Variants in TRIM4 observed in about 807,000 individuals in gnomAD.
The protein encoded by TRIM4 is E3 ubiquitin-protein ligase TRIM4.
Under a neutral mutation model 33.7 loss-of-function variants are expected in TRIM4, and 29 were observed. That is an observed-to-expected ratio of 0.86 (90% CI 0.64 to 1.17). The LOEUF (loss-of-function observed/expected upper bound fraction) is 1.17. TRIM4 is among the 50% of genes most tolerant of loss of function. TRIM4 has a pLI of 0.00. For missense variants in TRIM4, 554 were observed against 593.7 expected, an observed-to-expected ratio of 0.93 and a Z score of 0.69; for synonymous variants, 224 against 233.0, an observed-to-expected ratio of 0.96 and a Z score of 0.35.
At chr7:99,912,445 C>T (rs1310184772) in intron 1 of TRIM4, among the ~76,000 whole-genome samples, 2 of 151,472 alleles carry the variant, frequency 1.3e-5, no homozygotes, top group Non-Finnish European at 2.9e-5. Flanking sequence ...GCATGAGAAT[C>T]GCTTGAACCC....
In TRIM4 at chr7:99,913,288, T is replaced by C. The variant is rs1356253549; in HGVS notation, c.394-3628A>G. 5.3e-5 allele frequency among the ~76,000 whole-genome samples: 8 copies of C among 152,134 alleles called. 1 individual carries two copies. Among genetic ancestry groups the C allele is most frequent in the Non-Finnish European group, 8.8e-5 (6 of 68,034 alleles). On this transcript the variant is annotated intron_variant, in intron 1 of 5. Transcript: ENST00000349062. ...CCTTGGTGGAAGTTAGAAAACACTT[T>C]CCCTGCAACAACAGAAACTGCCAGG... is the stretch of plus-strand genomic sequence containing the variant.
At chr7:99,908,534 G>T in intron 3 of TRIM4, 48 bp downstream of exon 3, 2 of 1,435,496 alleles carry the variant, frequency 1.4e-6, no homozygotes, top group Non-Finnish European at 1.9e-6. Flanking sequence ...AGACAAGAGA[G>T]AGTTCAGTTA....
rs1242365077 is a variant in TRIM4 at position 99,919,324 on chromosome 7, C to T, written c.78G>A (p.Glu26=). The T allele has an allele frequency of 6.4e-7, 1 of 1,570,840 alleles. No individual in the cohort carries two copies. Among genetic ancestry groups the T allele is most frequent in the Admixed American group, 1.8e-5 (1 of 54,204 alleles). The change falls in exon 1 of 6, where the codon GAG becomes GAA. Residue 26 remains glutamate (E), a synonymous_variant. Transcript: ENST00000349062. ...AGCCGCGGCAGAAGTTGTGGCCGCA[C>T]TCGATGGACACCGGGTCCTGGAAAT... ...LDYFQDPVSI[E]CGHNFCRGCL...
rs777659820 is a variant in TRIM4, at chr7:99,892,547, G to A, written c.1041C>T (p.Asn347=). ...AGTAATGTTTCCCTGAGGTGAAAAC[G>A]TTTTTTCCCAGAACACAGGGTAAGT... is the stretch of plus-strand genomic sequence containing the variant. ...FQHLPCVLGK[N]VFTSGKHYWE... The change falls in exon 6 of 6, where the codon AAC becomes AAT. Residue 347 remains asparagine (N), a synonymous_variant. Transcript: ENST00000349062. 24 of 1,614,056 alleles carry A rather than the reference G, an allele frequency of 1.5e-5. No homozygotes were observed. The East Asian group carries it at 4.0e-4, about 27-fold the overall frequency.
intron 3 of TRIM4, among the ~76,000 whole-genome samples, chr7:99,905,610 G>C (rs1443578366): frequency 2.0e-5 from 3 of 152,164 alleles, no homozygotes; most frequent in African/African-American, 7.2e-5. Context: ...ATTACAGAAT[G>C]TTGGCAGCAT....
At position 99,908,817 on chromosome 7, in the gene TRIM4, G is replaced by A. The variant is rs1387065605; in HGVS notation, c.490-5C>T. ...TCGCTGACTCTTTATCTTATCCTAA[G>A]GCCACATGAGATTTGCTCACTCCTT... On this transcript the variant is annotated splice_region_variant and splice_polypyrimidine_tract_variant and intron_variant, in intron 2 of 5. Transcript: ENST00000349062. 1 of 1,611,398 alleles carries A rather than the reference G, an allele frequency of 6.2e-7. No individual in the cohort carries two copies. Among genetic ancestry groups the A allele is most frequent in the East Asian group, 2.2e-5 (1 of 44,866 alleles).
intron 3 of TRIM4, among the ~76,000 whole-genome samples, chr7:99,906,817 G>A (rs1309196172): frequency 2.0e-5 from 3 of 152,140 alleles, no homozygotes; most frequent in Non-Finnish European, 4.4e-5. Flanking sequence ...CCGCACTCCA[G>A]TCTGGGTAAC....
rs1279832471 is a variant in TRIM4 at position 99,892,328 on chromosome 7, C to G, written c.1260G>C (p.Val420=). Residue 420 remains valine (V), a synonymous_variant, in exon 6 of 6, where the codon GTG becomes GTC. Coordinates refer to ENST00000349062, the MANE Select transcript of TRIM4 (RefSeq NM_033091.3). ...CAGTCCCACGATCCAGGTAAACCCCCACTCGGTGGAGAGCTGGCTCTTGCT... is the reference window on the plus strand; with the variant it reads ...CAGTCCCACGATCCAGGTAAACCCCGACTCGGTGGAGAGCTGGCTCTTGCT... ...PTQQEPALHR[V]GVYLDRGTGN... is the part of the protein sequence containing the mutation. 6.2e-7 allele frequency: 1 copy of G among 1,614,194 alleles called. No individual in the cohort carries two copies. Among genetic ancestry groups the G allele is most frequent in the Admixed American group, 1.7e-5 (1 of 60,024 alleles).
chr7:99,893,141 C>T (rs1026128665), intron 5 of TRIM4, among the ~76,000 whole-genome samples: 21 of 152,234 alleles, frequency 1.4e-4, no homozygotes, highest in African/African-American at 5.1e-4. Context: ...ATGGTGGGCA[C>T]CTGTAATCCC....
chr7:99,903,377 G>T, intron 4 of TRIM4, 62 bp from the exon 5 acceptor site: 1 of 1,410,692 alleles, frequency 7.1e-7, no homozygotes, highest in Non-Finnish European at 9.9e-7. Context: ...CTCCACTCCC[G>T]GTCAAAGGTT....
At chr7:99,911,851 T>C (rs1819451447) in intron 1 of TRIM4, among the ~76,000 whole-genome samples, 1 of 152,220 alleles carries the variant, frequency 6.6e-6, no homozygotes, top group South Asian at 2.1e-4. Flanking sequence ...CATCGCAGCT[T>C]TATTCACAAT....
intron 5 of TRIM4, among the ~76,000 whole-genome samples, chr7:99,893,967 CTTTTT>C (rs74857142): frequency 1.5e-5 from 2 of 137,172 alleles, no homozygotes; most frequent in African/African-American, 5.4e-5. Flanking sequence ...CATGGTTTTC[CTTTTT>C]TTTTTTTTTT....
At chr7:99,909,758 AGTC>A (rs1819399501) in intron 1 of TRIM4, 98 bp from the exon 2 acceptor site, 2 of 993,972 alleles carry the variant, frequency 2.0e-6, no homozygotes, top group East Asian at 5.2e-5. Context: ...TTTGAGACAA[AGTC>A]TCACTTTGTC....
chr7:99,900,391 C>T (rs1482254747), intron 5 of TRIM4, among the ~76,000 whole-genome samples: 2 of 152,276 alleles, frequency 1.3e-5, no homozygotes, highest in East Asian at 1.9e-4. Flanking sequence ...CAAAATCACC[C>T]TCAAAAAAAC....
At chr7:99,910,677 G>A (rs896054313) in intron 1 of TRIM4, among the ~76,000 whole-genome samples, 5 of 152,218 alleles carry the variant, frequency 3.3e-5, no homozygotes, top group East Asian at 3.8e-4. Context: ...AATGGCTTAC[G>A]AATTTGGAGG....
chr7:99,919,103 T>A lies in TRIM4; in HGVS notation c.299A>T (p.Asp100Val). ...HWEPLRLFCE[D>V]DQRPVCLVCR... ...CACCAGGCACACTGGCCGCTGGTCG[T>A]CCTCGCAGAAGAGCCGCAGCGGCTC... Residue 100 changes from aspartate to valine, a missense_variant, in exon 1 of 6, where the codon GAC (aspartate) becomes GTC (valine). Transcript: ENST00000349062. 6.5e-7 allele frequency: 1 copy of A among 1,532,724 alleles called. No individual in the cohort carries two copies. The highest frequency in any genetic ancestry group is 2.0e-5 in the Admixed American group (1 of 49,662). The allele number at this position is 1,532,724 out of a possible 1,614,324, so 94.9% of individuals were successfully genotyped here. A position where few individuals can be genotyped will look rare whatever the true frequency, so the allele number is the denominator to read the frequency against.
intron 3 of TRIM4, among the ~76,000 whole-genome samples, chr7:99,907,820 TGA>T (rs1819343139): frequency 6.6e-6 from 1 of 152,220 alleles, no homozygotes; most frequent in African/African-American, 2.4e-5. Context: ...AAAATGTTCT[TGA>T]GAACACCTTT....
intron 1 of TRIM4, among the ~76,000 whole-genome samples, chr7:99,918,763 C>T (rs550085637): frequency 6.6e-6 from 1 of 152,282 alleles, no homozygotes. Context: ...TTATTATGAG[C>T]TCCCCAAGGG....
At chr7:99,915,514 T>C (rs1251686614) in intron 1 of TRIM4, among the ~76,000 whole-genome samples, 2 of 152,162 alleles carry the variant, frequency 1.3e-5, no homozygotes, top group African/African-American at 4.8e-5. Context: ...TCCATGGATT[T>C]AGGGAACTTC....
Sources: gnomAD v4.1 joint callset for allele counts (sites outside exome capture counted in the v4.1 genomes callset) on GRCh38, gnomAD v4.1.1 for gene constraint, MANE v1.5 for transcripts, NCBI Gene and HGNC (gene_info 2026-07-23, HGNC 2026-07-21) for gene names.